The following BABAM2 variants were observed in gnomAD, a reference collection of about 807,000 sequenced individuals.
The protein encoded by BABAM2 is BRISC and BRCA1-A complex member 2.
A neutral mutation model predicts 54.7 loss-of-function variants in BABAM2; 31 were observed. That is an observed-to-expected ratio of 0.57 (90% CI 0.43 to 0.77). BABAM2 has a LOEUF of 0.77. BABAM2 is among the 30% of genes least tolerant of loss of function. The pLI, the probability that BABAM2 is intolerant of heterozygous loss-of-function variation, is 0.00. For synonymous variants in BABAM2, 167 were observed against 162.9 expected, an observed-to-expected ratio of 1.03 and a Z score of -0.19; for missense variants, 364 against 455.8, an observed-to-expected ratio of 0.80 and a Z score of 1.83.
intron 6 of BABAM2, among the ~76,000 whole-genome samples, chr2:28,068,763 G>A (rs1221248034): frequency 2.0e-5 from 3 of 151,970 alleles, no homozygotes; most frequent in Non-Finnish European, 4.4e-5. Flanking sequence ...AAAGAATCCC[G>A]TTGACTTTCA....
intron 6 of BABAM2, among the ~76,000 whole-genome samples, chr2:28,078,190 T>C (rs990987592): frequency 1.3e-5 from 2 of 152,094 alleles, no homozygotes; most frequent in Non-Finnish European, 2.9e-5. Flanking sequence ...CTGTGTACAC[T>C]GCGTGCCCTT....
At chr2:28,107,469 C>T (rs1667626527) in intron 6 of BABAM2, among the ~76,000 whole-genome samples, 1 of 152,168 alleles carries the variant, frequency 6.6e-6, no homozygotes, top group Non-Finnish European at 1.5e-5. Flanking sequence ...CACCAGTATC[C>T]AGTATTTCAT....
intron 7 of BABAM2, among the ~76,000 whole-genome samples, chr2:28,172,985 C>G (rs1674521920): frequency 6.6e-6 from 1 of 152,196 alleles, no homozygotes; most frequent in Non-Finnish European, 1.5e-5. Context: ...AGATGGCAGC[C>G]TTCTCGCCGT....
At chr2:27,894,475 A>G in intron 1 of BABAM2, 58 bp from the exon 2 acceptor site, 1 of 1,507,034 alleles carries the variant, frequency 6.6e-7, no homozygotes, top group African/African-American at 1.4e-5. Context: ...TTTCAGGCAG[A>G]GTGTTGTATC....
intron 10 of BABAM2, among the ~76,000 whole-genome samples, chr2:28,295,718 A>T (rs1163338696): frequency 6.6e-6 from 1 of 152,052 alleles, no homozygotes; most frequent in African/African-American, 2.4e-5. Flanking sequence ...GCTGGTCTCG[A>T]ACTCCTCACC....
chr2:28,025,797 C>G (rs1414593646), intron 5 of BABAM2, among the ~76,000 whole-genome samples: 1 of 152,200 alleles, frequency 6.6e-6, no homozygotes, highest in Non-Finnish European at 1.5e-5. Context: ...TCCAATATCC[C>G]AGTCAGGTAA....
chr2:28,078,016 G>A (rs1269668367), intron 6 of BABAM2, among the ~76,000 whole-genome samples: 1 of 152,012 alleles, frequency 6.6e-6, no homozygotes, highest in Middle Eastern at 3.2e-3. Context: ...ATTGTACAAA[G>A]AAATTAAATG....
intron 6 of BABAM2, among the ~76,000 whole-genome samples, chr2:28,109,805 CT>C (rs1259206147): frequency 6.6e-6 from 1 of 152,152 alleles, no homozygotes; most frequent in African/African-American, 2.4e-5. Context: ...TTCTTCCTCC[CT>C]TTTATCCAAG....
At chr2:28,253,436 C>A (rs1016553330) in intron 10 of BABAM2, among the ~76,000 whole-genome samples, 2 of 151,558 alleles carry the variant, frequency 1.3e-5, no homozygotes, top group Non-Finnish European at 2.9e-5. Context: ...GTATACCATG[C>A]TCTAGACACT....
chr2:28,180,236 T>A (rs776706000), intron 7 of BABAM2, among the ~76,000 whole-genome samples: 1 of 151,762 alleles, frequency 6.6e-6, no homozygotes, highest in Non-Finnish European at 1.5e-5. Flanking sequence ...ACTATGGTAA[T>A]CAAAACAGCA....
At chr2:28,245,457 T>C (rs1682833170) in intron 10 of BABAM2, among the ~76,000 whole-genome samples, 1 of 152,254 alleles carries the variant, frequency 6.6e-6, no homozygotes, top group African/African-American at 2.4e-5. Flanking sequence ...CATGTTCTTC[T>C]GCGTAGTAGG....
chr2:27,942,250 G>A (rs1305116813), intron 3 of BABAM2, among the ~76,000 whole-genome samples: 3 of 152,200 alleles, frequency 2.0e-5, no homozygotes, highest in East Asian at 1.9e-4. Flanking sequence ...GTGGTGTTGC[G>A]AAGTTTGTTG....
chr2:28,216,437 A>G (rs1190043828), intron 7 of BABAM2, among the ~76,000 whole-genome samples: 1 of 152,252 alleles, frequency 6.6e-6, no homozygotes, highest in Non-Finnish European at 1.5e-5. Context: ...CAGGTATTTT[A>G]GAGAACCAAA....
chr2:28,336,948 T>A (rs1025500253), intron 11 of BABAM2, among the ~76,000 whole-genome samples: 1 of 152,200 alleles, frequency 6.6e-6, no homozygotes, highest in African/African-American at 2.4e-5. Context: ...ACTCCAGATT[T>A]GCTGCTTCTG....
At chr2:28,219,123 C>T (rs575462917) in intron 7 of BABAM2, among the ~76,000 whole-genome samples, 1 of 152,350 alleles carries the variant, frequency 6.6e-6, no homozygotes, top group Non-Finnish European at 1.5e-5. Flanking sequence ...CGGCTACAGT[C>T]AAGGTGCCAG....
intron 10 of BABAM2, among the ~76,000 whole-genome samples, chr2:28,267,565 C>A (rs1305331721): frequency 6.6e-6 from 1 of 152,200 alleles, no homozygotes; most frequent in African/African-American, 2.4e-5. Context: ...GTTTTATTTC[C>A]TGTGCTGTCA....
chr2:28,286,897 G>A (rs1409080318), intron 10 of BABAM2, among the ~76,000 whole-genome samples: 1 of 152,068 alleles, frequency 6.6e-6, no homozygotes, highest in Admixed American at 6.5e-5. Context: ...TTGGATACAT[G>A]TTGTTTTCTC....
At position 28,100,017 on chromosome 2, in the gene BABAM2, T is replaced by G. The variant is rs1220031848; in HGVS notation, c.571-29254T>G. On this transcript the variant is annotated intron_variant, in intron 6 of 11. Transcript: ENST00000379624. ...TGTGTTGCTGCATGTACTTAGCTTA[T>G]TTTTACTTTTGCTCTTCATTTTGTT... 2.0e-5 allele frequency among the ~76,000 whole-genome samples: 3 copies of G among 152,322 alleles called. No homozygotes were observed. The East Asian group carries it at 5.8e-4, about 29-fold the overall frequency.
chr2:28,176,969 A>T (rs1444819382), intron 7 of BABAM2, among the ~76,000 whole-genome samples: 1 of 152,182 alleles, frequency 6.6e-6, no homozygotes, highest in Non-Finnish European at 1.5e-5. Context: ...GAAGCCCAAA[A>T]GGCATAGAAA....
Sources: gnomAD v4.1 joint callset for allele counts (sites outside exome capture counted in the v4.1 genomes callset) on GRCh38, gnomAD v4.1.1 for gene constraint, MANE v1.5 for transcripts, NCBI Gene and HGNC (gene_info 2026-07-23, HGNC 2026-07-21) for gene names.